The following FRMD6 variants were observed in gnomAD, a reference collection of about 807,000 sequenced individuals.
FRMD6 encodes FERM domain-containing protein 6.
In FRMD6, 37 loss-of-function variants were observed where a neutral mutation model predicts 73.2. The observed-to-expected ratio is 0.51, with a 90% CI of 0.39 to 0.66. The LOEUF (loss-of-function observed/expected upper bound fraction) is 0.66, where lower values mean the gene tolerates loss of function less well. Ranked by LOEUF, FRMD6 falls within the 30% of genes least tolerant of loss-of-function variation. The probability of loss-of-function intolerance (pLI) is 0.00; values close to 1 mark genes in which losing one functional copy is unlikely to be tolerated. For synonymous variants in FRMD6, 273 were observed against 282.2 expected (o/e 0.97, Z 0.33); for missense variants, 714 against 780.5 (o/e 0.91, Z 1.02).
At chr14:51,722,352 A>T (rs2140657999) in intron 12 of FRMD6, among the ~76,000 whole-genome samples, 1 of 152,332 alleles carries the variant, frequency 6.6e-6, no homozygotes, top group South Asian at 2.1e-4. Flanking sequence ...TCTTTATGTT[A>T]TGCTGTGTCG....
At chr14:51,555,786 G>C (rs977377461) in intron 1 of FRMD6, among the ~76,000 whole-genome samples, 19 of 138,646 alleles carry the variant, frequency 1.4e-4, no homozygotes, top group Non-Finnish European at 2.3e-4. Context: ...TGGGCAACAA[G>C]AGCAAAATTC....
At chr14:51,507,059 G>A (rs1884005101) in intron 1 of FRMD6, among the ~76,000 whole-genome samples, 1 of 147,520 alleles carries the variant, frequency 6.8e-6, no homozygotes. Context: ...CTGAATTTTT[G>A]AAATGATTAG....
At chr14:51,419,912 GGTGTGGTC>G in the FRMD6 span, among the ~76,000 whole-genome samples, 1 of 149,536 alleles carries the variant, frequency 6.7e-6, no homozygotes, top group African/African-American at 2.6e-5. Flanking sequence ...GCCCTTGTTA[GGTGTGGTC>G]ATGGGACTTC....
chr14:51,711,481 GA>G, intron 7 of FRMD6, 49 bp from the exon 8 acceptor site: 1 of 1,299,954 alleles, frequency 7.7e-7, no homozygotes. Flanking sequence ...GTCCACTGTA[GA>G]AAAAATATAT....
Position 51,708,063 on chromosome 14 carries a change from C to G in FRMD6, c.559-15C>G. 1 of 1,612,260 alleles carries G rather than the reference C, an allele frequency of 6.2e-7. No individual in the cohort carries two copies. Among genetic ancestry groups the G allele is most frequent in the Non-Finnish European group, 8.5e-7 (1 of 1,178,826 alleles). ...CCAACAAATGTTGCATTGCACACCCCTTGTATCCCAACAGGTTGTTTCCAA... is the reference window on the plus strand; with the variant it reads ...CCAACAAATGTTGCATTGCACACCCGTTGTATCCCAACAGGTTGTTTCCAA... On this transcript the variant is annotated splice_polypyrimidine_tract_variant and intron_variant, in intron 6 of 13. Transcript: ENST00000344768.
chr14:51,629,100 T>G (rs1379797520), intron 2 of FRMD6, among the ~76,000 whole-genome samples: 1 of 151,982 alleles, frequency 6.6e-6, no homozygotes, highest in East Asian at 1.9e-4. Context: ...ATGGTCTCGA[T>G]TTCCTCCTGA....
At chr14:51,684,161 TAAA>T (rs35178247) in intron 1 of FRMD6, among the ~76,000 whole-genome samples, 129 of 145,264 alleles carry the variant, frequency 8.9e-4, no homozygotes, top group African/African-American at 3.1e-3. Flanking sequence ...AAATGACCCT[TAAA>T]AAAAAAAAAA....
chr14:51,633,706 G>A (rs928159867), intron 2 of FRMD6, among the ~76,000 whole-genome samples: 1 of 147,472 alleles, frequency 6.8e-6, no homozygotes, highest in Non-Finnish European at 1.5e-5. Context: ...ATATTTTCAA[G>A]AAAAGAATAC....
chr14:51,512,498 G>GTCA (rs1483762563), intron 1 of FRMD6, among the ~76,000 whole-genome samples: 1 of 152,182 alleles, frequency 6.6e-6, no homozygotes, highest in Non-Finnish European at 1.5e-5. Context: ...ACAACGTCTT[G>GTCA]TCATCCATCA....
intron 2 of FRMD6, among the ~76,000 whole-genome samples, chr14:51,598,815 A>C (rs1343668712): frequency 2.6e-5 from 4 of 152,130 alleles, no homozygotes; most frequent in African/African-American, 9.7e-5. Context: ...CACCTAGGTT[A>C]ATTCTGTCTT....
At chr14:51,455,421 C>G in the FRMD6 span, among the ~76,000 whole-genome samples, 1 of 152,194 alleles carries the variant, frequency 6.6e-6, no homozygotes, top group Non-Finnish European at 1.5e-5. Flanking sequence ...ATATCTTGAG[C>G]TGAGTTTTTA....
chr14:51,419,226 C>G, the FRMD6 span, among the ~76,000 whole-genome samples: 64 of 152,222 alleles, frequency 4.2e-4, no homozygotes, highest in Admixed American at 1.4e-3. Context: ...CCAGGTACCT[C>G]AGTTGGAAAT....
chr14:51,691,027 T>C (rs1895528252), intron 2 of FRMD6, among the ~76,000 whole-genome samples: 1 of 152,176 alleles, frequency 6.6e-6, no homozygotes, highest in African/African-American at 2.4e-5. Context: ...TCCTAGTCAA[T>C]ATCCTTCACC....
At chr14:51,437,545 G>C in the FRMD6 span, among the ~76,000 whole-genome samples, 1 of 152,104 alleles carries the variant, frequency 6.6e-6, no homozygotes, top group African/African-American at 2.4e-5. Context: ...CTTGTGATCC[G>C]CCCGCCTCGG....
At chr14:51,509,089 A>G (rs541993140) in intron 1 of FRMD6, among the ~76,000 whole-genome samples, 1 of 152,352 alleles carries the variant, frequency 6.6e-6, no homozygotes, top group East Asian at 1.9e-4. Context: ...CAAAACATTT[A>G]TACAAGGCCT....
At chr14:51,423,948 A>G in the FRMD6 span, among the ~76,000 whole-genome samples, 1 of 152,234 alleles carries the variant, frequency 6.6e-6, no homozygotes, top group African/African-American at 2.4e-5. Context: ...CAAAATGTCT[A>G]CAACCTTGAG....
intron 2 of FRMD6, among the ~76,000 whole-genome samples, chr14:51,616,418 T>A (rs1219676351): frequency 1.3e-5 from 2 of 152,112 alleles, no homozygotes; most frequent in African/African-American, 4.8e-5. Flanking sequence ...TTAGACTAGA[T>A]TAAAGGGTTT....
chr14:51,644,349 C>G, intron 2 of FRMD6, among the ~76,000 whole-genome samples: 1 of 130,604 alleles, frequency 7.7e-6, no homozygotes, highest in East Asian at 2.0e-4. Flanking sequence ...CTCTGCCTCA[C>G]CCTTCACACA....
chr14:51,471,068 A>T, the FRMD6 span, among the ~76,000 whole-genome samples: 1 of 152,180 alleles, frequency 6.6e-6, no homozygotes, highest in African/African-American at 2.4e-5. Context: ...TTTTCTATGA[A>T]TTGCTTACTA....
Sources: allele counts gnomAD v4.1 joint callset (sites outside exome capture counted in the v4.1 genomes callset), GRCh38; gene constraint gnomAD v4.1.1; transcripts MANE v1.5; gene names NCBI Gene and HGNC (gene_info 2026-07-23, HGNC 2026-07-21).